The following IQSEC1 variants were observed in gnomAD, a reference collection of about 807,000 sequenced individuals.
IQSEC1 encodes the protein IQ motif and SEC7 domain-containing protein 1.
IQSEC1 carries 31 observed loss-of-function variants against 91.0 expected under a neutral mutation model. The ratio of observed to expected loss-of-function variants is 0.34; its 90% CI spans 0.26 to 0.46. The LOEUF is 0.46. Ranked by LOEUF, IQSEC1 falls within the 20% of genes least tolerant of loss-of-function variation. IQSEC1 has a pLI of 1.00. For missense variants in IQSEC1, 1,388 were observed against 1,575.6 expected (o/e 0.88, Z 2.02); for synonymous variants, 699 against 662.6 (o/e 1.05, Z -0.84).
chr3:13,068,927 C>T (rs1173767133), intron 1 of IQSEC1, among the ~76,000 whole-genome samples: 3 of 152,232 alleles, frequency 2.0e-5, no homozygotes, highest in African/African-American at 7.2e-5. Context: ...GAGAGCAGCA[C>T]CCTCTCAGTG....
chr3:13,158,195 A>G (rs1412704535), intron 2 of IQSEC1, among the ~76,000 whole-genome samples: 3 of 152,210 alleles, frequency 2.0e-5, no homozygotes, highest in Non-Finnish European at 4.4e-5. Context: ...ACATGGCTGG[A>G]TAGCGGCAGA....
chr3:12,944,864 G>A (rs995635968), intron 1 of IQSEC1, among the ~76,000 whole-genome samples: 1 of 152,242 alleles, frequency 6.6e-6, no homozygotes, highest in Non-Finnish European at 1.5e-5. Flanking sequence ...GGAGGGGAGT[G>A]TGGGACCCTC....
chr3:12,958,697 G>C (rs1207472084), intron 1 of IQSEC1, among the ~76,000 whole-genome samples: 1 of 152,222 alleles, frequency 6.6e-6, no homozygotes, highest in Non-Finnish European at 1.5e-5. Flanking sequence ...GGGGTGCCTG[G>C]CTGGGATGTG....
intron 1 of IQSEC1, among the ~76,000 whole-genome samples, chr3:13,183,045 T>TC (rs1576286121): frequency 1.3e-5 from 2 of 151,994 alleles, no homozygotes; most frequent in African/African-American, 2.4e-5. Flanking sequence ...GCACCTGTAG[T>TC]CCCAGCTACT....
chr3:13,034,570 A>C (rs535605912), intron 1 of IQSEC1, among the ~76,000 whole-genome samples: 2 of 152,306 alleles, frequency 1.3e-5, no homozygotes, highest in South Asian at 4.1e-4. Context: ...TGCAACGCTT[A>C]CTTTAAATGC....
chr3:13,083,495 G>C (rs1705682993), intron 2 of IQSEC1, among the ~76,000 whole-genome samples: 1 of 152,350 alleles, frequency 6.6e-6, no homozygotes, highest in Admixed American at 6.5e-5. Flanking sequence ...ACAATGGGGT[G>C]GCACATTTGG....
chr3:12,918,186 C>T (rs1696291694), intron 6 of IQSEC1, among the ~76,000 whole-genome samples: 1 of 152,218 alleles, frequency 6.6e-6, no homozygotes, highest in Non-Finnish European at 1.5e-5. Flanking sequence ...AAAGAATGTC[C>T]CTGAGCTCTG....
intron 3 of IQSEC1, among the ~76,000 whole-genome samples, chr3:12,932,295 G>A (rs1559637958): frequency 1.3e-5 from 2 of 152,172 alleles, no homozygotes; most frequent in Non-Finnish European, 2.9e-5. Flanking sequence ...CCTGGACTCA[G>A]TTTACAGATC....
intron 2 of IQSEC1, among the ~76,000 whole-genome samples, chr3:13,114,811 G>C (rs975746759): frequency 7.4e-6 from 1 of 135,458 alleles, no homozygotes; most frequent in Non-Finnish European, 1.6e-5. Context: ...AAAAAAAAAA[G>C]AATTACAAAT....
intron 5 of IQSEC1, among the ~76,000 whole-genome samples, chr3:12,920,802 C>T (rs983891076): frequency 2.2e-4 from 33 of 152,220 alleles, no homozygotes; most frequent in African/African-American, 7.2e-4. Context: ...TTTAGCCGGG[C>T]ACATGGCCGT....
chr3:13,049,572 G>C (rs560116487), intron 1 of IQSEC1, among the ~76,000 whole-genome samples: 97 of 152,222 alleles, frequency 6.4e-4, no homozygotes, highest in Non-Finnish European at 1.1e-3. Context: ...TCCATTCCCT[G>C]CCTCCTTATC....
At chr3:12,968,216 G>A (rs1424944248) in intron 1 of IQSEC1, among the ~76,000 whole-genome samples, 1 of 152,172 alleles carries the variant, frequency 6.6e-6, no homozygotes, top group African/African-American at 2.4e-5. Flanking sequence ...TGCCTGCCTG[G>A]ACCGAACCGT....
In IQSEC1 at chr3:13,150,377, T is replaced by A. The variant is rs115036356; in HGVS notation, c.302+13727A>T. 9.4e-3 allele frequency among the ~76,000 whole-genome samples: 1,431 copies of A among 152,310 alleles called. 8 individuals carry two copies. Among genetic ancestry groups the A allele is most frequent in the South Asian group, 0.016 (78 of 4,834 alleles). On this transcript the variant is annotated intron_variant, in intron 2 of 15. Coordinates refer to the IQSEC1 transcript ENST00000648114. ...CCTTCATTCTGCAAAGGGAATGTGG[T>A]TGGTTTTTCGAATTAAGTTTTTAAA...
intron 1 of IQSEC1, among the ~76,000 whole-genome samples, chr3:13,272,003 C>T (rs527302275): frequency 6.0e-4 from 91 of 152,246 alleles, no homozygotes; most frequent in South Asian, 3.7e-3. Flanking sequence ...TAAGTGTACA[C>T]GGAACATTCT....
At chr3:12,995,763 GCTT>G (rs1702203180) in intron 1 of IQSEC1, among the ~76,000 whole-genome samples, 1 of 152,256 alleles carries the variant, frequency 6.6e-6, no homozygotes, top group African/African-American at 2.4e-5. Flanking sequence ...TAAGCCCATG[GCTT>G]CTTATCAGTG....
chr3:12,982,976 C>T (rs1042588892), intron 1 of IQSEC1, among the ~76,000 whole-genome samples: 9 of 152,236 alleles, frequency 5.9e-5, no homozygotes, highest in Admixed American at 2.0e-4. Context: ...AGAGGGAGGC[C>T]CTGGCCGTGG....
At chr3:13,144,308 T>C (rs1419758482) in intron 2 of IQSEC1, among the ~76,000 whole-genome samples, 1 of 152,222 alleles carries the variant, frequency 6.6e-6, no homozygotes. Flanking sequence ...AGCCGTGTGC[T>C]GTGGCCAAAC....
chr3:13,271,023 A>T lies in IQSEC1; in HGVS notation c.272+11688T>A, dbSNP rs182061641. ...AGACAAAATAAACTTTAAGATATACATTGTTACTAGGGACTGAGAAGGACA... is the reference window on the plus strand; with the variant it reads ...AGACAAAATAAACTTTAAGATATACTTTGTTACTAGGGACTGAGAAGGACA... On this transcript the variant is annotated intron_variant, in intron 1 of 15. Coordinates refer to the IQSEC1 transcript ENST00000648114. 2.0e-5 allele frequency among the ~76,000 whole-genome samples: 3 copies of T among 152,346 alleles called. No individual in the cohort carries two copies. In the East Asian group the frequency reaches 5.8e-4, roughly 29 times the overall value.
At position 13,008,748 on chromosome 3, in the gene IQSEC1, G is replaced by A. The variant is rs530039402; in HGVS notation, c.23+64244C>T. ...GGCACACAGTCAATATTAGTTGGTC[G>A]AGTTACTGATAGAACAACGCTCTTG... On this transcript the variant is annotated intron_variant, in intron 1 of 13. Coordinates refer to ENST00000613206, the MANE Select transcript of IQSEC1 (RefSeq NM_001134382.3). The surrounding 1 kb of genome is among the most constrained non-coding windows in gnomAD (Gnocchi z 4.1). Among the ~76,000 whole-genome samples the A allele has an allele frequency of 1.3e-5, 2 of 152,264 alleles. No homozygotes were observed. The highest frequency in any genetic ancestry group is 2.4e-5 in the African/African-American group (1 of 41,538).
Sources: allele counts gnomAD v4.1 joint callset (sites outside exome capture counted in the v4.1 genomes callset), GRCh38; gene constraint gnomAD v4.1.1; non-coding constraint Gnocchi (gnomAD v3.1); transcripts MANE v1.5; gene names NCBI Gene and HGNC (gene_info 2026-07-23, HGNC 2026-07-21).